The following SAP30 variants were observed in gnomAD, a reference collection of about 807,000 sequenced individuals.
SAP30 encodes the protein Sin3A associated protein 30.
SAP30 carries 13 observed loss-of-function variants against 19.6 expected under a neutral mutation model. That is an observed-to-expected ratio of 0.66 (90% CI 0.43 to 1.05). SAP30 has a LOEUF of 1.05. Ranked by LOEUF, SAP30 falls within the 50% of genes least tolerant of loss-of-function variation. The pLI, the probability that SAP30 is intolerant of heterozygous loss-of-function variation, is 0.00. For missense variants in SAP30, 257 were observed against 292.1 expected, an observed-to-expected ratio of 0.88 and a Z score of 0.88; for synonymous variants, 108 against 122.7, an observed-to-expected ratio of 0.88 and a Z score of 0.79.
chr4:173,375,952 G>C (rs1406454992), intron 3 of SAP30, among the ~76,000 whole-genome samples: 2 of 152,184 alleles, frequency 1.3e-5, no homozygotes, highest in East Asian at 1.9e-4. Context: ...TAGATTGTAT[G>C]CTTGTTATAA....
chr4:173,373,241 A>G, intron 1 of SAP30, 149 bp from the exon 2 acceptor site: 1 of 604,110 alleles, frequency 1.7e-6, no homozygotes, highest in Non-Finnish European at 2.7e-6. Context: ...AGCGTATAGG[A>G]TTTAAACGTA....
Position 173,370,966 on chromosome 4 carries a change from C to T in SAP30, c.-217C>T, listed in dbSNP as rs747828833. ...GTCCCCATGTGACAGTGAGCGGGGT[C>T]CCCGCTCCAGGAGACGCTCGAGTCT... is the stretch of plus-strand genomic sequence containing the variant. On this transcript the variant is annotated 5_prime_UTR_variant, in exon 1 of 4. Coordinates refer to ENST00000296504, the MANE Select transcript of SAP30 (RefSeq NM_003864.4). 10 of 290,424 alleles carry T rather than the reference C, an allele frequency of 3.4e-5. No homozygotes were observed. The highest frequency in any genetic ancestry group is 1.1e-4 in the African/African-American group (5 of 44,618). The allele number at this position is 290,424 out of a possible 1,614,324, so 18.0% of individuals were successfully genotyped here.
chr4:173,371,530 GC>G lies in SAP30; in HGVS notation c.315+37del. 1 of 1,564,588 alleles carries G rather than the reference GC, an allele frequency of 6.4e-7. No individual in the cohort carries two copies. The highest frequency in any genetic ancestry group is 8.6e-7 in the Non-Finnish European group (1 of 1,158,828). On this transcript the variant is annotated intron_variant, in intron 1 of 3. Coordinates refer to ENST00000296504, the MANE Select transcript of SAP30 (RefSeq NM_003864.4). This position sits in a 1 kb window ranked among gnomAD's most constrained non-coding sequence, Gnocchi z 6.4. ...AACCGCGGGACCGCCCTGCCCTCCCGCCCCTCGGTGGGGCCCCAGGAGCCGG... is the reference window on the plus strand; with the variant it reads ...AACCGCGGGACCGCCCTGCCCTCCCGCCCTCGGTGGGGCCCCAGGAGCCGG...
chr4:173,371,150 T>C lies in SAP30; in HGVS notation c.-33T>C. 1 of 1,454,842 alleles carries C rather than the reference T, an allele frequency of 6.9e-7. No homozygotes were observed. The highest frequency in any genetic ancestry group is 1.5e-5 in the African/African-American group (1 of 66,856). 90.1% of individuals were successfully genotyped at this position (1,454,842 alleles called of 1,614,324 possible). A position where few individuals can be genotyped will look rare whatever the true frequency, so the allele number is the denominator to read the frequency against. ...GCGGAGCGGCCAGGAGAGAGGGGAT[T>C]TCTGTCAGCGCCGGCCTCGGGAGCT... On this transcript the variant is annotated 5_prime_UTR_variant, in exon 1 of 4. Transcript: ENST00000296504. This position sits in a 1 kb window ranked among gnomAD's most constrained non-coding sequence, Gnocchi z 6.4.
intron 1 of SAP30, among the ~76,000 whole-genome samples, chr4:173,372,019 C>G (rs1301321302): frequency 6.6e-6 from 1 of 152,214 alleles, no homozygotes; most frequent in Non-Finnish European, 1.5e-5. Context: ...AGAGGGAAGC[C>G]GAGCTCACCC....
At position 173,371,581 on chromosome 4, in the gene SAP30, G is replaced by T. The variant is rs1738935136; in HGVS notation, c.315+84G>T. 1.3e-6 allele frequency: 2 copies of T among 1,517,040 alleles called. No homozygotes were observed. The highest frequency in any genetic ancestry group is 2.6e-5 in the East Asian group (1 of 38,612). The allele number at this position is 1,517,040 out of a possible 1,614,324, so 94.0% of individuals were successfully genotyped here. A position where few individuals can be genotyped will look rare whatever the true frequency, so the allele number is the denominator to read the frequency against. On this transcript the variant is annotated intron_variant, in intron 1 of 3. Transcript: ENST00000296504. The surrounding 1 kb of genome is among the most constrained non-coding windows in gnomAD (Gnocchi z 6.4). ...GGCAAAGGCACGGGTTGTCGGCGGG[G>T]TCCCCCAGACAACCGCACTGGCTGC... is the stretch of plus-strand genomic sequence containing the variant.
In SAP30 at chr4:173,371,049, G is replaced by A. The variant is rs1213436139; in HGVS notation, c.-134G>A. The A allele has an allele frequency of 1.9e-6, 2 of 1,065,148 alleles. No homozygotes were observed. Among genetic ancestry groups the A allele is most frequent in the Non-Finnish European group, 2.5e-6 (2 of 805,162 alleles). The allele number at this position is 1,065,148 out of a possible 1,614,324, so 66.0% of individuals were successfully genotyped here. A position where few individuals can be genotyped will look rare whatever the true frequency, so the allele number is the denominator to read the frequency against. On this transcript the variant is annotated 5_prime_UTR_variant, in exon 1 of 4. Coordinates refer to ENST00000296504, the MANE Select transcript of SAP30 (RefSeq NM_003864.4). This position sits in a 1 kb window ranked among gnomAD's most constrained non-coding sequence, Gnocchi z 6.4. The stretch of plus-strand genomic sequence containing the variant: ...GGTGCCAGCAGAGACCAGCAGGCCC[G>A]GGACAGTTGGTGTTTGGCCGTGCCG...
At position 173,371,413 on chromosome 4, in the gene SAP30, C is replaced by T. The variant is rs1397916484; in HGVS notation, c.231C>T (p.Gly77=). Reference sequence around the variant, plus strand: ...TGCGGGAGGATGGTGAGCGGTGCGGCCGGGCGGCAGGCAACGCCAGCTTCA... The same window carrying T: ...TGCGGGAGGATGGTGAGCGGTGCGGTCGGGCGGCAGGCAACGCCAGCTTCA... ...CCLREDGERC[G]RAAGNASFSK... Residue 77 remains glycine, a synonymous_variant, in exon 1 of 4, where the codon GGC becomes GGT. Transcript: ENST00000296504. The surrounding 1 kb of genome is among the most constrained non-coding windows in gnomAD (Gnocchi z 6.4). 1.3e-6 allele frequency: 2 copies of T among 1,590,494 alleles called. No individual in the cohort carries two copies. The highest frequency in any genetic ancestry group is 1.7e-6 in the Non-Finnish European group (2 of 1,175,600).
intron 3 of SAP30, among the ~76,000 whole-genome samples, chr4:173,375,078 A>G (rs565350812): frequency 1.3e-5 from 2 of 150,940 alleles, no homozygotes; most frequent in African/African-American, 4.8e-5. Context: ...ACTTGCAGCT[A>G]CTGAGGAGGA....
intron 3 of SAP30, among the ~76,000 whole-genome samples, chr4:173,375,254 G>C (rs962946892): frequency 7.2e-5 from 11 of 151,852 alleles, no homozygotes; most frequent in African/African-American, 2.7e-4. Flanking sequence ...TCTAAAATGT[G>C]CCTATTGAAT....
At position 173,373,968 on chromosome 4, in the gene SAP30, A is replaced by C. The variant is rs1560823355; in HGVS notation, c.471A>C (p.Thr157=). 1 of 1,595,026 alleles carries C rather than the reference A, an allele frequency of 6.3e-7. No homozygotes were observed. The highest frequency in any genetic ancestry group is 8.6e-7 in the Non-Finnish European group (1 of 1,168,030). The change falls in exon 3 of 4, where the codon ACA becomes ACC. Residue 157 remains threonine (T), a synonymous_variant. Transcript: ENST00000296504. ...EVDLYQLQVN[T]LRRYKRHFKL... is the part of the protein sequence containing the mutation. ...ATTTATACCAATTACAAGTAAATAC[A>C]CTTAGGAGATACAAAAGACACTTCA...
rs776968682 is a variant in SAP30 at position 173,371,533 on chromosome 4, C to T, written c.315+36C>T. The T allele has an allele frequency of 5.1e-6, 8 of 1,563,286 alleles. No individual in the cohort carries two copies. In the African/African-American group the frequency reaches 9.6e-5, roughly 19 times the overall value. On this transcript the variant is annotated intron_variant, in intron 1 of 3. Coordinates refer to ENST00000296504, the MANE Select transcript of SAP30 (RefSeq NM_003864.4). This position sits in a 1 kb window ranked among gnomAD's most constrained non-coding sequence, Gnocchi z 6.4. Reference sequence around the variant, plus strand: ...CGCGGGACCGCCCTGCCCTCCCGCCCCTCGGTGGGGCCCCAGGAGCCGGGC... The same window carrying T: ...CGCGGGACCGCCCTGCCCTCCCGCCTCTCGGTGGGGCCCCAGGAGCCGGGC...
rs1738984691 is a variant in SAP30 at position 173,373,396 on chromosome 4, C to T, written c.322C>T (p.His108Tyr). 1.3e-6 allele frequency: 2 copies of T among 1,598,720 alleles called. No individual in the cohort carries two copies. Among genetic ancestry groups the T allele is most frequent in the Admixed American group, 1.7e-5 (1 of 57,790 alleles). ...TAAAACTTTTCTGTTTCAGGCAAGGCATCTTTACATATGTGATTATCATAA... is the reference window on the plus strand; with the variant it reads ...TAAAACTTTTCTGTTTCAGGCAAGGTATCTTTACATATGTGATTATCATAA... ...VKIELDKSAR[H>Y]LYICDYHKNL... The change falls in exon 2 of 4, where the codon CAT becomes TAT. Residue 108 changes from histidine (H) to tyrosine (Y), a missense_variant. Transcript: ENST00000296504.
rs886620717 is a variant in SAP30 at position 173,373,536 on chromosome 4, C to T, written c.441+21C>T. 4.4e-6 allele frequency: 7 copies of T among 1,586,434 alleles called. No individual in the cohort carries two copies. In the African/African-American group the frequency reaches 9.5e-5, roughly 22 times the overall value. On this transcript the variant is annotated intron_variant, in intron 2 of 3. Transcript: ENST00000296504. ...CAGAGGTAGATGGAAGTTTTTTATG[C>T]TTAATGTAAATCCTAAGTAGTGCAT...
chr4:173,374,645 G>A (rs141942015), intron 3 of SAP30, among the ~76,000 whole-genome samples: 144 of 152,092 alleles, frequency 9.5e-4, no homozygotes, highest in African/African-American at 3.2e-3. Context: ...TTAAAACTCC[G>A]TTTAACCAGT....
At chr4:173,372,781 A>ATCTG (rs386402311) in intron 1 of SAP30, among the ~76,000 whole-genome samples, 2 of 150,950 alleles carry the variant, frequency 1.3e-5, no homozygotes, top group Admixed American at 6.6e-5. Context: ...CCTTACTGCT[A>ATCTG]TCTGTTTGTT....
At position 173,373,967 on chromosome 4, in the gene SAP30, C is replaced by T; in HGVS notation, c.470C>T (p.Thr157Ile). ...EVDLYQLQVNTLRRYKRHFKL... is the reference protein window; with the variant it reads ...EVDLYQLQVNILRRYKRHFKL... ...GATTTATACCAATTACAAGTAAATA[C>T]ACTTAGGAGATACAAAAGACACTTC... The change falls in exon 3 of 4, where the codon ACA (threonine) becomes ATA (isoleucine). Residue 157 changes from threonine (T) to isoleucine (I), a missense_variant. Physicochemically the swap from Thr to Ile is moderately conservative, Grantham distance 89. Coordinates refer to ENST00000296504, the MANE Select transcript of SAP30 (RefSeq NM_003864.4). 6.3e-7 allele frequency: 1 copy of T among 1,590,802 alleles called. No homozygotes were observed. Among genetic ancestry groups the T allele is most frequent in the Admixed American group, 1.8e-5 (1 of 57,052 alleles).
intron 2 of SAP30, 122 bp from the exon 3 acceptor site, chr4:173,373,817 T>A: frequency 2.8e-6 from 1 of 361,500 alleles, no homozygotes; most frequent in East Asian, 4.2e-5. Context: ...ATTTTTTAAA[T>A]TTTTTTTGAT....
rs2126903866 is a variant in SAP30 at position 173,371,333 on chromosome 4, T to C, written c.151T>C (p.Ser51Pro). Residue 51 changes from serine (S) to proline (P), a missense_variant, in exon 1 of 4, where the codon TCA becomes CCA. By Grantham distance (74) the Ser-to-Pro change is moderately conservative (BLOSUM62 -1). Transcript: ENST00000296504. This position sits in a 1 kb window ranked among gnomAD's most constrained non-coding sequence, Gnocchi z 6.4. ...TGAGGTGCCGGGCGCGGGGGCGGTC[T>C]CAGCGGCTGGGCCCCCGGGGGCGGC... ...GAEVPGAGAV[S>P]AAGPPGAAGP... 7.3e-7 allele frequency: 1 copy of C among 1,369,006 alleles called. No individual in the cohort carries two copies. The highest frequency in any genetic ancestry group is 9.4e-7 in the Non-Finnish European group (1 of 1,068,360). The allele number at this position is 1,369,006 out of a possible 1,614,324, so 84.8% of individuals were successfully genotyped here. A position where few individuals can be genotyped will look rare whatever the true frequency, so the allele number is the denominator to read the frequency against.
Sources: allele counts gnomAD v4.1 joint callset (sites outside exome capture counted in the v4.1 genomes callset), GRCh38; gene constraint gnomAD v4.1.1; non-coding constraint Gnocchi (gnomAD v3.1); transcripts MANE v1.5; gene names NCBI Gene and HGNC (gene_info 2026-07-23, HGNC 2026-07-21).